Variants in ROBO1 observed in about 807,000 individuals in gnomAD.
The protein encoded by ROBO1 is roundabout homolog 1.
Under a neutral mutation model 195.9 loss-of-function variants are expected in ROBO1, and 149 were observed. The observed-to-expected ratio is 0.76, with a 90% CI of 0.67 to 0.87. The LOEUF (loss-of-function observed/expected upper bound fraction) is 0.87, where lower values mean the gene tolerates loss of function less well. Among genes scored for constraint, ROBO1 ranks in the 40% least tolerant of loss-of-function variants. The pLI is 0.00. For synonymous variants in ROBO1, 816 were observed against 733.2 expected, an observed-to-expected ratio of 1.11 and a Z score of -1.82; for missense variants, 1,933 against 2,068.3, an observed-to-expected ratio of 0.93 and a Z score of 1.27.
At chr3:79,371,417 G>GTA (rs1333552517) in intron 2 of ROBO1, among the ~76,000 whole-genome samples, 1 of 152,114 alleles carries the variant, frequency 6.6e-6, no homozygotes, top group East Asian at 1.9e-4. Flanking sequence ...TTAGAAACCG[G>GTA]TAAAAGAAAT....
At chr3:78,716,752 C>G (rs544940521) in intron 7 of ROBO1, among the ~76,000 whole-genome samples, 1 of 152,122 alleles carries the variant, frequency 6.6e-6, no homozygotes, top group Non-Finnish European at 1.5e-5. Flanking sequence ...GCTGACAGTA[C>G]CCGAAAGCCT....
At chr3:78,711,333 T>TTCC (rs2081690535) in intron 8 of ROBO1, among the ~76,000 whole-genome samples, 2 of 116,364 alleles carry the variant, frequency 1.7e-5, no homozygotes, top group African/African-American at 7.4e-5. Flanking sequence ...CTCTCCTTCC[T>TTCC]TCCTTCCTTC....
At chr3:79,676,401 T>C (rs1946785930) in intron 1 of ROBO1, among the ~76,000 whole-genome samples, 1 of 152,078 alleles carries the variant, frequency 6.6e-6, no homozygotes. Context: ...AATTGGGTCC[T>C]CTGCTGAGGA....
chr3:78,891,486 C>T (rs775814455), intron 4 of ROBO1, among the ~76,000 whole-genome samples: 27 of 152,194 alleles, frequency 1.8e-4, no homozygotes, highest in Non-Finnish European at 3.8e-4. Flanking sequence ...AAACAACCCT[C>T]TTCCACTGCT....
At chr3:78,840,012 C>T (rs2033069225) in intron 4 of ROBO1, among the ~76,000 whole-genome samples, 1 of 152,150 alleles carries the variant, frequency 6.6e-6, no homozygotes, top group African/African-American at 2.4e-5. Context: ...AATGAAATGT[C>T]AGGAAGGCAA....
chr3:79,742,660 G>T (rs1187456561), intron 1 of ROBO1, among the ~76,000 whole-genome samples: 2 of 152,108 alleles, frequency 1.3e-5, no homozygotes, highest in East Asian at 3.9e-4. Flanking sequence ...TTTTCTTTAT[G>T]AATTACCCAG....
intron 2 of ROBO1, among the ~76,000 whole-genome samples, chr3:79,373,684 A>T (rs1048336951): frequency 2.0e-5 from 3 of 152,216 alleles, no homozygotes; most frequent in African/African-American, 7.2e-5. Context: ...TTTGACAAAG[A>T]TCCTCTGAAG....
chr3:79,401,068 T>A (rs75299588), intron 2 of ROBO1, among the ~76,000 whole-genome samples: 3 of 151,816 alleles, frequency 2.0e-5, no homozygotes, highest in African/African-American at 7.2e-5. Context: ...ATATTTAAAT[T>A]TGAGATAAAG....
At position 79,735,753 on chromosome 3, in the gene ROBO1, C is replaced by T. The variant is rs966476555; in HGVS notation, c.-51+31999G>A. On this transcript the variant is annotated intron_variant, in intron 1 of 30. Transcript: ENST00000464233. Reference sequence around the variant, plus strand: ...AGGCGTGGTGGCAGATGCCTGTAGTCCCAGCTACTCGGGAGGCTGAGGCAG... The same window carrying T: ...AGGCGTGGTGGCAGATGCCTGTAGTTCCAGCTACTCGGGAGGCTGAGGCAG... 7.2e-5 allele frequency among the ~76,000 whole-genome samples: 11 copies of T among 152,058 alleles called. No individual in the cohort carries two copies. The South Asian group carries it at 2.3e-3, about 32-fold the overall frequency.
In ROBO1 at chr3:78,661,966, C is replaced by T. The variant is rs1227618353; in HGVS notation, c.2088+27G>A. On this transcript the variant is annotated intron_variant, in intron 15 of 30. Transcript: ENST00000464233. ...ATGATCTCGCAGACGCTTATTAAAACTGAGATCAAATATTGTAACAACTCA... is the reference window on the plus strand; with the variant it reads ...ATGATCTCGCAGACGCTTATTAAAATTGAGATCAAATATTGTAACAACTCA... 3.1e-6 allele frequency: 5 copies of T among 1,600,394 alleles called. No individual in the cohort carries two copies. In the Admixed American group the frequency reaches 6.9e-5, roughly 22 times the overall value.
intron 2 of ROBO1, among the ~76,000 whole-genome samples, chr3:79,470,818 CTG>C (rs1392813723): frequency 6.6e-5 from 10 of 152,284 alleles, no homozygotes; most frequent in African/African-American, 2.4e-4. Context: ...CCATGTGGAA[CTG>C]TGAGTCAATT....
intron 3 of ROBO1, among the ~76,000 whole-genome samples, chr3:79,096,922 A>C (rs186333365): frequency 1.1e-3 from 161 of 151,782 alleles, no homozygotes; most frequent in African/African-American, 3.5e-3. Flanking sequence ...AGCAATAGTA[A>C]GTTTGGCAGG....
chr3:79,712,192 T>C (rs1702304777), intron 1 of ROBO1, among the ~76,000 whole-genome samples: 1 of 152,108 alleles, frequency 6.6e-6, no homozygotes, highest in African/African-American at 2.4e-5. Context: ...TTAAGCTTGG[T>C]GAGGAAGGCA....
chr3:79,526,722 G>T lies in ROBO1; in HGVS notation c.88+63102C>A, dbSNP rs913697020. The T allele has an allele frequency of 2.6e-5, 4 of 152,238 alleles. No individual in the cohort carries two copies. In the East Asian group the frequency reaches 7.7e-4, roughly 29 times the overall value. The allele number at this position is 152,238 out of a possible 1,614,324, so 9.4% of individuals were successfully genotyped here. On this transcript the variant is annotated intron_variant, in intron 2 of 30. Coordinates refer to ENST00000464233, the MANE Select transcript of ROBO1 (RefSeq NM_002941.4). ...CTGAATTTTTGTCTAAGTATTCACT[G>T]ATCCAGTGACTTAGCTTTTTCGACT...
At chr3:79,442,457 T>C (rs972015118) in intron 2 of ROBO1, among the ~76,000 whole-genome samples, 12 of 152,164 alleles carry the variant, frequency 7.9e-5, no homozygotes, top group African/African-American at 2.9e-4. Flanking sequence ...CTATCTTATT[T>C]CTCTTTATGC....
At position 79,412,874 on chromosome 3, in the gene ROBO1, A is replaced by ATTTTTTTTTTTTTTTTTTTTTTTTTTT. The variant is rs1167482550; in HGVS notation, c.88+176923_88+176949dup. On this transcript the variant is annotated intron_variant, in intron 2 of 30. Coordinates refer to ENST00000464233, the MANE Select transcript of ROBO1 (RefSeq NM_002941.4). ...AATGATTTTATTGCCTCATGAGCTG[A>ATTTTTTTTTTTTTTTTTTTTTTTTTTT]TTTTTTTTTTTTTTTTTTTTTTTTT... Among the ~76,000 whole-genome samples, 5 of 38,338 alleles carry ATTTTTTTTTTTTTTTTTTTTTTTTTTT rather than the reference A, an allele frequency of 1.3e-4. 1 individual carries two copies. The highest frequency in any genetic ancestry group is 2.2e-4 in the Non-Finnish European group (5 of 23,200). The allele number at this position is 38,338 out of a possible 152,430, so 25.2% of individuals were successfully genotyped here.
At chr3:79,427,912 A>G (rs2038515694) in intron 2 of ROBO1, among the ~76,000 whole-genome samples, 1 of 152,150 alleles carries the variant, frequency 6.6e-6, no homozygotes, top group African/African-American at 2.4e-5. Flanking sequence ...CCCCATGATC[A>G]CGGGCAACCA....
chr3:79,045,140 C>A (rs1256736632), intron 3 of ROBO1, among the ~76,000 whole-genome samples: 1 of 151,730 alleles, frequency 6.6e-6, no homozygotes, highest in Non-Finnish European at 1.5e-5. Flanking sequence ...AAAAAATAAA[C>A]CCCCTTAAAG....
At chr3:79,563,470 G>GCTTTTTA (rs1292885933) in intron 2 of ROBO1, among the ~76,000 whole-genome samples, 1 of 151,944 alleles carries the variant, frequency 6.6e-6, no homozygotes, top group Non-Finnish European at 1.5e-5. Flanking sequence ...ATGCCACATG[G>GCTTTTTA]CTTTTTACTA....
Sources: gnomAD v4.1 joint callset for allele counts (sites outside exome capture counted in the v4.1 genomes callset) on GRCh38, gnomAD v4.1.1 for gene constraint, MANE v1.5 for transcripts, NCBI Gene and HGNC (gene_info 2026-07-23, HGNC 2026-07-21) for gene names.